Variants in ASXL3 observed in about 807,000 individuals in gnomAD.
The protein encoded by ASXL3 is ASXL transcriptional regulator 3, also known as putative Polycomb group protein ASXL3.
ASXL3 carries 34 observed loss-of-function variants against 170.6 expected under a neutral mutation model. The observed-to-expected ratio is 0.20, with a 90% confidence interval of 0.15 to 0.27. ASXL3 has a LOEUF of 0.27. Ranked by LOEUF, ASXL3 falls within the 10% of genes least tolerant of loss-of-function variation. ASXL3 has a pLI of 1.00. For missense variants in ASXL3, 2,592 were observed against 2,695.3 expected, an observed-to-expected ratio of 0.96 and a Z score of 0.85; for synonymous variants, 1,002 against 989.1, an observed-to-expected ratio of 1.01 and a Z score of -0.24.
chr18:33,674,763 C>T (rs559246772), intron 7 of ASXL3, among the ~76,000 whole-genome samples: 17 of 152,030 alleles, frequency 1.1e-4, no homozygotes, highest in South Asian at 4.2e-4. Context: ...GGACTACAGG[C>T]GCCCACCACC....
chr18:33,604,912 T>A (rs149196424), intron 1 of ASXL3, among the ~76,000 whole-genome samples: 1 of 152,080 alleles, frequency 6.6e-6, no homozygotes, highest in Non-Finnish European at 1.5e-5. Flanking sequence ...AGGGGGCAGA[T>A]GTTAATATTT....
At chr18:33,622,360 A>T (rs2065528772) in intron 2 of ASXL3, among the ~76,000 whole-genome samples, 1 of 152,176 alleles carries the variant, frequency 6.6e-6, no homozygotes, top group African/African-American at 2.4e-5. Flanking sequence ...ATAGCCTGTT[A>T]CAAGTGTATG....
chr18:33,744,192 T>A lies in ASXL3; in HGVS notation c.4344T>A (p.Asp1448Glu). Residue 1448 changes from aspartate to glutamate, a missense_variant, in exon 12 of 12, where the codon GAT (aspartate) becomes GAA (glutamate). By Grantham distance (45) the Asp-to-Glu change is conservative (BLOSUM62 2). Transcript: ENST00000269197. ...ATTCAGGGCCTCGAAACAGGGCAGA[T>A]AATTCTGGAAAACCTCAGCAACCAC... ...DKNSGPRNRA[D>E]NSGKPQQPPG... 1 of 1,613,934 alleles carries A rather than the reference T, an allele frequency of 6.2e-7. No individual in the cohort carries two copies. Among genetic ancestry groups the A allele is most frequent in the South Asian group, 1.1e-5 (1 of 91,088 alleles).
At chr18:33,593,824 A>G (rs535683978) in intron 1 of ASXL3, among the ~76,000 whole-genome samples, 4 of 152,296 alleles carry the variant, frequency 2.6e-5, no homozygotes, top group Non-Finnish European at 4.4e-5. Flanking sequence ...CAGCCTATAT[A>G]TGGGTATGCA....
chr18:33,742,957 G>A lies in ASXL3; in HGVS notation c.3109G>A (p.Ala1037Thr), dbSNP rs202173177. ...ACCAGTCTCCAAACCTGAGTCTCGA[G>A]CATCCACTAGCACATCTGTCAGTGG... ...SQPVSKPESRASTSTSVSGGR... is the reference protein window; with the variant it reads ...SQPVSKPESRTSTSTSVSGGR... The change falls in exon 12 of 12, where the codon GCA becomes ACA. Residue 1037 changes from alanine to threonine, a missense_variant. Physicochemically the swap from Ala to Thr is moderately conservative, Grantham distance 58 (BLOSUM62 0). Around this residue, in one of 4 missense-constraint regions of ASXL3, gnomAD observed 2,246 missense variants for 2,219.6 expected, o/e 1.01. Coordinates refer to ENST00000269197, the MANE Select transcript of ASXL3 (RefSeq NM_030632.3). 17 of 1,613,720 alleles carry A rather than the reference G, an allele frequency of 1.1e-5. No homozygotes were observed. The highest frequency in any genetic ancestry group is 1.4e-5 in the Non-Finnish European group (16 of 1,179,828).
chr18:33,645,324 A>T (rs149982914), intron 3 of ASXL3, among the ~76,000 whole-genome samples: 2 of 151,800 alleles, frequency 1.3e-5, no homozygotes, highest in East Asian at 1.9e-4. Flanking sequence ...GTTACCATGA[A>T]CTCTTTGACT....
chr18:33,671,814 C>T lies in ASXL3; in HGVS notation c.663C>T (p.Pro221=). 6.2e-7 allele frequency: 1 copy of T among 1,611,296 alleles called. No individual in the cohort carries two copies. Among genetic ancestry groups the T allele is most frequent in the Non-Finnish European group, 8.5e-7 (1 of 1,178,596 alleles). The change falls in exon 7 of 12, where the codon CCC becomes CCT. Residue 221 remains proline (P), a synonymous_variant. Coordinates refer to ENST00000269197, the MANE Select transcript of ASXL3 (RefSeq NM_030632.3). ...DKEMKHGQKS[P]TGKQTSQHLK... ...AAATGAAACATGGGCAAAAATCTCC[C>T]ACTGGAAAACAAACAAGTCAGCACT...
At chr18:33,724,493 A>G (rs1249000040) in intron 8 of ASXL3, among the ~76,000 whole-genome samples, 1 of 152,058 alleles carries the variant, frequency 6.6e-6, no homozygotes, top group Non-Finnish European at 1.5e-5. Flanking sequence ...TGCTTATCAC[A>G]TGTGGCTGTT....
chr18:33,642,039 T>C (rs2065853915), intron 2 of ASXL3, among the ~76,000 whole-genome samples: 1 of 151,936 alleles, frequency 6.6e-6, no homozygotes, highest in Non-Finnish European at 1.5e-5. Context: ...TACAGACTTT[T>C]AAAGCATGTA....
chr18:33,611,801 A>G (rs1489115410), intron 2 of ASXL3, among the ~76,000 whole-genome samples: 2 of 152,052 alleles, frequency 1.3e-5, no homozygotes, highest in African/African-American at 4.8e-5. Context: ...TTTGGGGGAC[A>G]TCCCAATTCT....
At chr18:33,699,776 T>C (rs2066838432) in intron 8 of ASXL3, among the ~76,000 whole-genome samples, 1 of 152,142 alleles carries the variant, frequency 6.6e-6, no homozygotes, top group African/African-American at 2.4e-5. Context: ...TTAAAATTGC[T>C]GTAATACATG....
chr18:33,657,403 C>G (rs1284079331), intron 4 of ASXL3, among the ~76,000 whole-genome samples: 1 of 152,022 alleles, frequency 6.6e-6, no homozygotes, highest in Non-Finnish European at 1.5e-5. Context: ...TCTGATTGCT[C>G]CTTTCTGTAT....
At chr18:33,581,665 G>A (rs947881697) in intron 1 of ASXL3, among the ~76,000 whole-genome samples, 4 of 152,150 alleles carry the variant, frequency 2.6e-5, no homozygotes, top group African/African-American at 9.7e-5. Context: ...GTTCACAACA[G>A]AATTTCTATT....
chr18:33,703,904 G>C (rs1051925502), intron 8 of ASXL3, among the ~76,000 whole-genome samples: 1 of 152,058 alleles, frequency 6.6e-6, no homozygotes, highest in Non-Finnish European at 1.5e-5. Flanking sequence ...CATTATGATG[G>C]ATTCTCCGGG....
chr18:33,644,370 GTAACT>G (rs950084266), intron 2 of ASXL3, among the ~76,000 whole-genome samples: 7 of 151,846 alleles, frequency 4.6e-5, no homozygotes, highest in African/African-American at 1.4e-4. Context: ...AGTCCTGTGA[GTAACT>G]TAAATACTTA....
rs371578075 is a variant in ASXL3 at position 33,734,464 on chromosome 18, T to C, written c.1082+49T>C. The stretch of plus-strand genomic sequence containing the variant: ...CATTTCTCTGAGAAAGAAATGAAAA[T>C]GTAATTCTCTGCTTCACATAGCACA... On this transcript the variant is annotated intron_variant, in intron 10 of 11. Transcript: ENST00000269197. The C allele has an allele frequency of 1.1e-5, 14 of 1,257,434 alleles. No individual in the cohort carries two copies. The African/African-American group carries it at 2.0e-4, about 18-fold the overall frequency. 77.9% of individuals were successfully genotyped at this position (1,257,434 alleles called of 1,614,324 possible).
intron 8 of ASXL3, among the ~76,000 whole-genome samples, chr18:33,723,763 T>G (rs926504077): frequency 6.6e-6 from 1 of 152,092 alleles, no homozygotes; most frequent in East Asian, 1.9e-4. Context: ...TACAGATAAG[T>G]TTTTTGGGAA....
At chr18:33,620,231 G>A (rs1379067478) in intron 2 of ASXL3, among the ~76,000 whole-genome samples, 1 of 152,136 alleles carries the variant, frequency 6.6e-6, no homozygotes, top group African/African-American at 2.4e-5. Flanking sequence ...ATGTCTGCAG[G>A]AAATACAATT....
At chr18:33,619,152 A>G (rs2065471888) in intron 2 of ASXL3, among the ~76,000 whole-genome samples, 1 of 152,146 alleles carries the variant, frequency 6.6e-6, no homozygotes, top group African/African-American at 2.4e-5. Context: ...AGTAATTTGA[A>G]AAAGTTCATC....
Sources: allele counts gnomAD v4.1 joint callset (sites outside exome capture counted in the v4.1 genomes callset), GRCh38; gene constraint gnomAD v4.1.1; regional missense constraint gnomAD v4.1.1; transcripts MANE v1.5; gene names NCBI Gene and HGNC (gene_info 2026-07-23, HGNC 2026-07-21).